Variants in LSAMP observed in about 807,000 individuals in gnomAD.
LSAMP encodes limbic system associated membrane protein.
In LSAMP, 7 loss-of-function variants were observed where a neutral mutation model predicts 38.6. The ratio of observed to expected loss-of-function variants is 0.18; its 90% confidence interval spans 0.10 to 0.34. LSAMP has a LOEUF of 0.34. Ranked by LOEUF, LSAMP falls within the 10% of genes least tolerant of loss-of-function variation. The probability of loss-of-function intolerance (pLI) is 1.00; values close to 1 mark genes in which losing one functional copy is unlikely to be tolerated. For synonymous variants in LSAMP, 154 were observed against 166.8 expected (o/e 0.92, Z 0.59); for missense variants, 313 against 420.0 (o/e 0.75, Z 2.23).
chr3:116,315,569 T>C (rs892362965), intron 1 of LSAMP, among the ~76,000 whole-genome samples: 1 of 152,252 alleles, frequency 6.6e-6, no homozygotes, highest in East Asian at 1.9e-4. Flanking sequence ...TTTAAATAAT[T>C]TACGCTTTAA....
At chr3:116,082,735 A>G (rs1707898967) in intron 2 of LSAMP, among the ~76,000 whole-genome samples, 1 of 152,224 alleles carries the variant, frequency 6.6e-6, no homozygotes, top group African/African-American at 2.4e-5. Flanking sequence ...TGTCTTTTGC[A>G]GGAACGTAGG....
At chr3:116,139,909 G>A (rs1035095161) in intron 1 of LSAMP, among the ~76,000 whole-genome samples, 1 of 151,954 alleles carries the variant, frequency 6.6e-6, no homozygotes, top group Admixed American at 6.6e-5. Flanking sequence ...GGTTCTTGTA[G>A]AATTTATGGC....
At chr3:115,919,088 C>T (rs566959776) in intron 3 of LSAMP, among the ~76,000 whole-genome samples, 8 of 152,150 alleles carry the variant, frequency 5.3e-5, no homozygotes, top group African/African-American at 1.7e-4. Flanking sequence ...TCCTGTAGGG[C>T]AGACCACACA....
chr3:116,104,789 G>A (rs1354535463), intron 1 of LSAMP, among the ~76,000 whole-genome samples: 1 of 151,264 alleles, frequency 6.6e-6, no homozygotes, highest in Non-Finnish European at 1.5e-5. Flanking sequence ...TTTTTAAGAG[G>A]TGGTGCTCAT....
chr3:115,884,993 C>T (rs1157328421), intron 3 of LSAMP, among the ~76,000 whole-genome samples: 6 of 151,740 alleles, frequency 4.0e-5, no homozygotes, highest in Admixed American at 6.6e-5. Context: ...CTAAAAAAGG[C>T]GTTCACAGAA....
At chr3:116,408,188 A>T (rs139362246) in intron 1 of LSAMP, among the ~76,000 whole-genome samples, 1 of 152,238 alleles carries the variant, frequency 6.6e-6, no homozygotes, top group African/African-American at 2.4e-5. Flanking sequence ...TTATGTAATG[A>T]TTATATATTG....
At chr3:116,433,572 C>T (rs1165946467) in intron 1 of LSAMP, among the ~76,000 whole-genome samples, 1 of 152,052 alleles carries the variant, frequency 6.6e-6, no homozygotes, top group South Asian at 2.1e-4. Context: ...GATGCAATGC[C>T]CAGGTAAGCA....
At chr3:115,969,037 A>G (rs553467489) in intron 3 of LSAMP, among the ~76,000 whole-genome samples, 1 of 152,284 alleles carries the variant, frequency 6.6e-6, no homozygotes, top group African/African-American at 2.4e-5. Flanking sequence ...AAGCACACAG[A>G]TTCTCTGACC....
chr3:116,115,714 A>C (rs1022930017), intron 1 of LSAMP, among the ~76,000 whole-genome samples: 2 of 152,154 alleles, frequency 1.3e-5, no homozygotes, highest in Non-Finnish European at 2.9e-5. Context: ...AGAACCCTAA[A>C]TTAAAAAGCA....
At chr3:115,972,632 A>G (rs983178077) in intron 3 of LSAMP, among the ~76,000 whole-genome samples, 2 of 151,558 alleles carry the variant, frequency 1.3e-5, no homozygotes, top group African/African-American at 4.8e-5. Flanking sequence ...GTTCTTCATT[A>G]AGGGGTAAAG....
chr3:115,945,006 A>G (rs1938047991), intron 3 of LSAMP, among the ~76,000 whole-genome samples: 1 of 152,008 alleles, frequency 6.6e-6, no homozygotes, highest in African/African-American at 2.4e-5. Context: ...TTTTTCTAGG[A>G]AGCTTATTCT....
rs2046770937 is a variant in LSAMP at position 116,257,829 on chromosome 3, G to A, written c.156-171273C>T. Among the ~76,000 whole-genome samples the A allele has an allele frequency of 2.0e-5, 3 of 152,080 alleles. No individual in the cohort carries two copies. In the South Asian group the frequency reaches 6.2e-4, roughly 32 times the overall value. Reference sequence around the variant, plus strand: ...TAAATCAGTGAATGGTTAAGTGAATGTTATTCTTTGTGTCATTTTTCCTTG... The same window carrying A: ...TAAATCAGTGAATGGTTAAGTGAATATTATTCTTTGTGTCATTTTTCCTTG... On this transcript the variant is annotated intron_variant, in intron 1 of 6. Coordinates refer to ENST00000490035, the MANE Select transcript of LSAMP (RefSeq NM_002338.5).
At chr3:115,929,605 A>G (rs1227039526) in intron 3 of LSAMP, among the ~76,000 whole-genome samples, 2 of 152,256 alleles carry the variant, frequency 1.3e-5, no homozygotes, top group East Asian at 3.9e-4. Context: ...TGCTCATTAA[A>G]CAAGTGTCTA....
At chr3:116,344,362 G>A (rs2048036642) in intron 1 of LSAMP, among the ~76,000 whole-genome samples, 2 of 152,044 alleles carry the variant, frequency 1.3e-5, no homozygotes, top group African/African-American at 4.8e-5. Context: ...AAAAATCTAA[G>A]TACAAAGCAG....
intron 1 of LSAMP, among the ~76,000 whole-genome samples, chr3:116,102,586 G>C (rs1355689234): frequency 6.6e-6 from 1 of 152,190 alleles, no homozygotes; most frequent in African/African-American, 2.4e-5. Flanking sequence ...AAAAGGCTAA[G>C]TAAGAAAGAA....
At chr3:115,852,344 A>T (rs2107522765) in intron 4 of LSAMP, 139 bp downstream of exon 4, 1 of 942,320 alleles carries the variant, frequency 1.1e-6, no homozygotes, top group East Asian at 2.8e-5. Context: ...GGATGTGTTC[A>T]ATGTATAAAT....
intron 1 of LSAMP, among the ~76,000 whole-genome samples, chr3:116,160,404 AAGAAAGAG>A (rs1428411774): frequency 5.6e-5 from 6 of 106,624 alleles, no homozygotes; most frequent in Admixed American, 3.8e-4. Context: ...TGTTGAAAGA[AAGAAAGAG>A]AGAGAGGGAG....
intron 3 of LSAMP, among the ~76,000 whole-genome samples, chr3:115,892,733 C>CA (rs1936631569): frequency 6.6e-6 from 1 of 151,358 alleles, no homozygotes; most frequent in Non-Finnish European, 1.5e-5. Context: ...AAATTATAAA[C>CA]AGAGGATATA....
At chr3:116,088,530 G>A (rs909375676) in intron 1 of LSAMP, among the ~76,000 whole-genome samples, 2 of 152,024 alleles carry the variant, frequency 1.3e-5, no homozygotes, top group African/African-American at 2.4e-5. Flanking sequence ...TTAATAGGAT[G>A]TTTGGTGTCT....
Sources: gnomAD v4.1 joint callset for allele counts (sites outside exome capture counted in the v4.1 genomes callset) on GRCh38, gnomAD v4.1.1 for gene constraint, MANE v1.5 for transcripts, NCBI Gene and HGNC (gene_info 2026-07-23, HGNC 2026-07-21) for gene names.